ANP32B: variants seen among roughly 807,000 people sequenced by gnomAD.
The protein encoded by ANP32B is acidic nuclear phosphoprotein 32 family member B, also known as acidic leucine-rich nuclear phosphoprotein 32 family member B.
ANP32B carries 6 observed loss-of-function variants against 32.2 expected under a neutral mutation model. The ratio of observed to expected loss-of-function variants is 0.19; its 90% confidence interval spans 0.10 to 0.37. The LOEUF (loss-of-function observed/expected upper bound fraction) is 0.37. ANP32B is among the 10% of genes least tolerant of loss of function. ANP32B has a pLI of 1.00. For missense variants in ANP32B, 204 were observed against 289.2 expected, an observed-to-expected ratio of 0.71 and a Z score of 2.14; for synonymous variants, 98 against 105.8, an observed-to-expected ratio of 0.93 and a Z score of 0.45.
chr9:98,005,179 C>A (rs1164144446), intron 4 of ANP32B, 26 bp downstream of exon 4: 1 of 1,603,884 alleles, frequency 6.2e-7, no homozygotes, highest in East Asian at 2.2e-5. Flanking sequence ...ATCTGGTGAA[C>A]CTGATGTCTG....
At chr9:97,984,719 C>T (rs541100103) in intron 1 of ANP32B, 1 of 150,586 alleles carries the variant, frequency 6.6e-6, no homozygotes, top group East Asian at 2.0e-4. Context: ...CCCGCCGGGG[C>T]TTGGCTCCCA....
chr9:97,993,569 T>C lies in ANP32B; in HGVS notation c.55-1062T>C, dbSNP rs185682077. On this transcript the variant is annotated intron_variant, in intron 1 of 6. Coordinates refer to ENST00000339399, the MANE Select transcript of ANP32B (RefSeq NM_006401.3). ...GATGATCATAGAGCAAGAATGGCAA[T>C]ATGGATTATTGTGGTGGATCTGCAT... Among the ~76,000 whole-genome samples the C allele has an allele frequency of 2.0e-5, 3 of 152,342 alleles. No individual in the cohort carries two copies. The East Asian group carries it at 5.8e-4, about 29-fold the overall frequency.
At chr9:98,012,335 ACTT>A (rs1168652272) in intron 5 of ANP32B, 83 bp from the exon 6 acceptor site, 4 of 1,465,732 alleles carry the variant, frequency 2.7e-6, no homozygotes, top group African/African-American at 1.4e-5. Context: ...ATTTATTTGT[ACTT>A]CTTAGTTTGG....
intron 1 of ANP32B, chr9:97,987,669 C>G (rs1827759206): frequency 3.3e-5 from 5 of 152,222 alleles, no homozygotes; most frequent in Admixed American, 3.3e-4. Flanking sequence ...CAGTTCCTTA[C>G]TGTGGCTTGC....
chr9:98,008,447 C>T (rs1828125658), intron 4 of ANP32B, among the ~76,000 whole-genome samples: 1 of 152,210 alleles, frequency 6.6e-6, no homozygotes, highest in South Asian at 2.1e-4. Flanking sequence ...GGTCAATCGA[C>T]TTTGTTCATG....
At chr9:97,983,855 C>T (rs1422742130) in intron 1 of ANP32B, among the ~76,000 whole-genome samples, 2 of 151,934 alleles carry the variant, frequency 1.3e-5, no homozygotes, top group Admixed American at 6.5e-5. Flanking sequence ...AAACTTTGAG[C>T]GCTTCGCCCG....
intron 2 of ANP32B, among the ~76,000 whole-genome samples, chr9:97,996,464 T>G (rs147644214): frequency 6.6e-6 from 1 of 152,244 alleles, no homozygotes; most frequent in African/African-American, 2.4e-5. Flanking sequence ...TTAAAAACTT[T>G]TAACATTTAA....
At chr9:98,013,489 C>T (rs1828222574) in intron 6 of ANP32B, among the ~76,000 whole-genome samples, 1 of 152,142 alleles carries the variant, frequency 6.6e-6, no homozygotes, top group African/African-American at 2.4e-5. Flanking sequence ...CCAGTTTTGT[C>T]AGTGTTAGTC....
intron 2 of ANP32B, among the ~76,000 whole-genome samples, chr9:97,995,139 C>T (rs1311889999): frequency 2.0e-5 from 3 of 152,182 alleles, no homozygotes; most frequent in Non-Finnish European, 2.9e-5. Context: ...TCTATCCTTT[C>T]GGAAAAAGGG....
At chr9:97,988,168 TTGTG>T (rs948323773) in intron 1 of ANP32B, among the ~76,000 whole-genome samples, 3 of 152,156 alleles carry the variant, frequency 2.0e-5, no homozygotes, top group African/African-American at 7.2e-5. Context: ...GTCAACATCT[TTGTG>T]TGTGTCCTTA....
At chr9:98,002,819 A>T (rs1434883121) in intron 3 of ANP32B, among the ~76,000 whole-genome samples, 1 of 152,232 alleles carries the variant, frequency 6.6e-6, no homozygotes, top group African/African-American at 2.4e-5. Flanking sequence ...AAAGCATTAG[A>T]TAAATATCAG....
At chr9:97,985,601 C>G (rs570692547) in intron 1 of ANP32B, among the ~76,000 whole-genome samples, 1 of 152,254 alleles carries the variant, frequency 6.6e-6, no homozygotes, top group South Asian at 2.1e-4. Flanking sequence ...CCAAAGTGCC[C>G]GCAAGAGAAG....
chr9:97,995,459 A>G (rs1827888730), intron 2 of ANP32B, among the ~76,000 whole-genome samples: 1 of 152,226 alleles, frequency 6.6e-6, no homozygotes, highest in Admixed American at 6.5e-5. Context: ...AGGAAAGTTA[A>G]GTTGTACCTT....
intron 1 of ANP32B, among the ~76,000 whole-genome samples, chr9:97,987,969 A>G (rs948250453): frequency 1.3e-5 from 2 of 152,158 alleles, no homozygotes; most frequent in African/African-American, 4.8e-5. Flanking sequence ...AATTAGATAT[A>G]GATAGGCCAA....
At chr9:97,995,872 G>A (rs1827895400) in intron 2 of ANP32B, among the ~76,000 whole-genome samples, 1 of 147,890 alleles carries the variant, frequency 6.8e-6, no homozygotes, top group South Asian at 2.1e-4. Context: ...GTTGTAGTGA[G>A]CCAAAATCAC....
intron 3 of ANP32B, among the ~76,000 whole-genome samples, chr9:98,004,089 T>C (rs971079072): frequency 1.3e-5 from 2 of 152,212 alleles, no homozygotes; most frequent in African/African-American, 4.8e-5. Context: ...GAAATACTAG[T>C]ACACTGATAT....
rs1827880708 is a variant in ANP32B at position 97,994,892 on chromosome 9, T to C, written c.204+112T>C. ...GCAGAAAGCACATGGCCTTTGGAAC[T>C]GGGCAGATATGGGATTGAATTCTAG... On this transcript the variant is annotated intron_variant, in intron 2 of 6. Transcript: ENST00000339399. 4.0e-6 allele frequency: 4 copies of C among 999,040 alleles called. No homozygotes were observed. In the South Asian group the frequency reaches 7.6e-5, roughly 19 times the overall value. The allele number at this position is 999,040 out of a possible 1,614,324, so 61.9% of individuals were successfully genotyped here.
chr9:97,990,702 A>G (rs572650192), intron 1 of ANP32B, among the ~76,000 whole-genome samples: 1 of 149,934 alleles, frequency 6.7e-6, no homozygotes, highest in Non-Finnish European at 1.5e-5. Context: ...TAACAAACTC[A>G]CCTACATCTG....
At chr9:97,985,606 GAGA>G (rs1827713150) in intron 1 of ANP32B, among the ~76,000 whole-genome samples, 1 of 152,222 alleles carries the variant, frequency 6.6e-6, no homozygotes, top group Non-Finnish European at 1.5e-5. Flanking sequence ...GTGCCCGCAA[GAGA>G]AGTACACACG....
Sources: allele counts gnomAD v4.1 joint callset (sites outside exome capture counted in the v4.1 genomes callset), GRCh38; gene constraint gnomAD v4.1.1; transcripts MANE v1.5; gene names NCBI Gene and HGNC (gene_info 2026-07-23, HGNC 2026-07-21).